The following CSMD1 variants were observed in gnomAD, a reference collection of about 807,000 sequenced individuals.
CSMD1 encodes the protein CUB and sushi domain-containing protein 1.
Under a neutral mutation model 417.5 loss-of-function variants are expected in CSMD1, and 213 were observed. The ratio of observed to expected loss-of-function variants is 0.51; its 90% CI spans 0.46 to 0.57. The LOEUF (loss-of-function observed/expected upper bound fraction) is 0.57. CSMD1 is among the 20% of genes least tolerant of loss of function. The probability of loss-of-function intolerance (pLI) is 0.00; values close to 1 mark genes in which losing one functional copy is unlikely to be tolerated. For synonymous variants in CSMD1, 2,862 were observed against 1,736.8 expected (o/e 1.65, Z -16.11); for missense variants, 6,923 against 4,529.7 (o/e 1.53, Z -15.17).
chr8:3,471,551 C>G (rs1362463124), intron 11 of CSMD1, among the ~76,000 whole-genome samples: 1 of 145,096 alleles, frequency 6.9e-6, no homozygotes, highest in East Asian at 2.1e-4. Context: ...ATCCCTCCCT[C>G]CTCTCCCTCC....
chr8:3,137,391 G>C (rs116342251), intron 41 of CSMD1, among the ~76,000 whole-genome samples: 2,592 of 152,316 alleles, frequency 0.017, 69 homozygotes, highest in African/African-American at 0.058. Flanking sequence ...TAGCATCAGG[G>C]GGAATAAACA....
At position 3,190,259 on chromosome 8, in the gene CSMD1, T is replaced by C. The variant is rs994418092; in HGVS notation, c.5195-144A>G. 5 of 559,072 alleles carry C rather than the reference T, an allele frequency of 8.9e-6. 1 individual carries two copies. Among genetic ancestry groups the C allele is most frequent in the East Asian group, 6.2e-5 (2 of 32,358 alleles). The allele number at this position is 559,072 out of a possible 1,614,324, so 34.6% of individuals were successfully genotyped here. ...CGACTCCAACAATCGCTATAGAGAA[T>C]GATTTGAGGCGCTGGGACCACGCAG... On this transcript the variant is annotated intron_variant, in intron 33 of 69. Transcript: ENST00000635120.
chr8:4,217,252 G>A (rs540098208), intron 3 of CSMD1, among the ~76,000 whole-genome samples: 1 of 152,146 alleles, frequency 6.6e-6, no homozygotes, highest in South Asian at 2.1e-4. Context: ...TCTAGATATG[G>A]GATTTAGAAT....
At chr8:3,191,495 C>T (rs1175909740) in intron 33 of CSMD1, among the ~76,000 whole-genome samples, 1 of 152,058 alleles carries the variant, frequency 6.6e-6, no homozygotes, top group Non-Finnish European at 1.5e-5. Context: ...CCCTCCAGTT[C>T]TCTCTTGATG....
At chr8:4,905,676 C>G (rs527754561) in intron 1 of CSMD1, among the ~76,000 whole-genome samples, 1 of 151,000 alleles carries the variant, frequency 6.6e-6, no homozygotes, top group Non-Finnish European at 1.5e-5. Flanking sequence ...AAAAATTAGC[C>G]GGGCGTGGTG....
chr8:3,725,436 C>G (rs929345043), intron 6 of CSMD1, among the ~76,000 whole-genome samples: 2 of 152,096 alleles, frequency 1.3e-5, no homozygotes, highest in Non-Finnish European at 2.9e-5. Context: ...GATTTGGGAC[C>G]AAAGCTGAAG....
At chr8:4,038,570 C>G (rs973470094) in intron 3 of CSMD1, among the ~76,000 whole-genome samples, 8 of 152,172 alleles carry the variant, frequency 5.3e-5, no homozygotes, top group African/African-American at 1.9e-4. Flanking sequence ...ATGCATGTCT[C>G]TTTGTGACTC....
At chr8:4,379,355 C>G (rs923610103) in intron 3 of CSMD1, among the ~76,000 whole-genome samples, 1 of 152,224 alleles carries the variant, frequency 6.6e-6, no homozygotes, top group South Asian at 2.1e-4. Context: ...ATTCAGGAGA[C>G]AGGAGGAATA....
chr8:3,851,418 A>G lies in CSMD1; in HGVS notation c.819-97376T>C, dbSNP rs557032000. Among the ~76,000 whole-genome samples, 9 of 152,290 alleles carry G rather than the reference A, an allele frequency of 5.9e-5. No individual in the cohort carries two copies. In the South Asian group the frequency reaches 1.4e-3, roughly 25 times the overall value. On this transcript the variant is annotated intron_variant, in intron 5 of 69. Coordinates refer to ENST00000635120, the MANE Select transcript of CSMD1 (RefSeq NM_033225.6). ...GGCATGGACATATGTAGCACTACCA[A>G]TTTCTCAGTGCTGAGTATTGCACTT...
intron 22 of CSMD1, among the ~76,000 whole-genome samples, chr8:3,344,866 G>C (rs980734595): frequency 4.6e-5 from 7 of 152,184 alleles, no homozygotes; most frequent in African/African-American, 1.7e-4. Flanking sequence ...ACATGCTAGT[G>C]GGGTAGAATC....
At chr8:3,118,343 T>C (rs1267517201) in intron 42 of CSMD1, 56 bp downstream of exon 42, 16 of 1,163,788 alleles carry the variant, frequency 1.4e-5, no homozygotes, top group Admixed American at 4.4e-5. Context: ...TAATATTTAA[T>C]GTGCTATTAT....
At chr8:3,607,274 C>G (rs1486605015) in intron 8 of CSMD1, among the ~76,000 whole-genome samples, 2 of 152,152 alleles carry the variant, frequency 1.3e-5, no homozygotes, top group Admixed American at 1.3e-4. Flanking sequence ...TCTTCAGGGG[C>G]AAGGACACAC....
intron 1 of CSMD1, among the ~76,000 whole-genome samples, chr8:4,836,027 G>C (rs1316074089): frequency 1.3e-5 from 2 of 152,076 alleles, no homozygotes; most frequent in Non-Finnish European, 2.9e-5. Context: ...AAAATAAATA[G>C]AGATGGTTTC....
At chr8:3,744,625 T>C (rs745396801) in intron 6 of CSMD1, among the ~76,000 whole-genome samples, 5 of 152,206 alleles carry the variant, frequency 3.3e-5, no homozygotes, top group African/African-American at 4.8e-5. Context: ...GCAGTGTACA[T>C]TGTAATGCTT....
intron 1 of CSMD1, among the ~76,000 whole-genome samples, chr8:4,924,904 C>G (rs1806750698): frequency 6.6e-6 from 1 of 152,070 alleles, no homozygotes; most frequent in East Asian, 1.9e-4. Context: ...GGATTTGAAC[C>G]CAAATCTTGT....
At chr8:3,754,157 A>G (rs1797526621) in intron 5 of CSMD1, 115 bp from the exon 6 acceptor site, 4 of 604,590 alleles carry the variant, frequency 6.6e-6, no homozygotes, top group South Asian at 6.3e-5. Flanking sequence ...GATGCTTAAA[A>G]CAGAGGCCAT....
chr8:4,367,474 G>A (rs899321871), intron 3 of CSMD1, among the ~76,000 whole-genome samples: 1 of 152,158 alleles, frequency 6.6e-6, no homozygotes, highest in African/African-American at 2.4e-5. Context: ...CTGCAGTACA[G>A]TTTGAAATCG....
At chr8:3,914,840 C>A (rs1411261979) in intron 5 of CSMD1, among the ~76,000 whole-genome samples, 1 of 152,032 alleles carries the variant, frequency 6.6e-6, no homozygotes, top group Non-Finnish European at 1.5e-5. Context: ...TGCTAGAATG[C>A]AAATACTTCC....
chr8:3,753,982 A>G lies in CSMD1; in HGVS notation c.879T>C (p.His293=), dbSNP rs374474134. ...GTCGGTGGTTGCTGTCAGAGGTGAA[A>G]TGGAGTCGTAGCCAATTCTTGCTAC... The part of the protein sequence containing the change: ...VISSKNWLRL[H]FTSDSNHRRK... Residue 293 remains histidine, a synonymous_variant, in exon 6 of 70, where the codon CAT becomes CAC. Coordinates refer to ENST00000635120, the MANE Select transcript of CSMD1 (RefSeq NM_033225.6). 8.1e-6 allele frequency: 13 copies of G among 1,613,330 alleles called. No individual in the cohort carries two copies. The highest frequency in any genetic ancestry group is 1.0e-5 in the Non-Finnish European group (12 of 1,179,566).
Sources: gnomAD v4.1 joint callset for allele counts (sites outside exome capture counted in the v4.1 genomes callset) on GRCh38, gnomAD v4.1.1 for gene constraint, MANE v1.5 for transcripts, NCBI Gene and HGNC (gene_info 2026-07-23, HGNC 2026-07-21) for gene names.